BTBD9: variants seen among roughly 807,000 people sequenced by gnomAD.
BTBD9 encodes the protein BTB/POZ domain-containing protein 9.
BTBD9 carries 49 observed loss-of-function variants against 64.3 expected under a neutral mutation model. The ratio of observed to expected loss-of-function variants is 0.76; its 90% CI spans 0.61 to 0.97. The LOEUF is 0.97. BTBD9 is among the 50% of genes least tolerant of loss of function. BTBD9 has a pLI of 0.00. For missense variants in BTBD9, 598 were observed against 762.1 expected (o/e 0.78, Z 2.53); for synonymous variants, 260 against 274.7 (o/e 0.95, Z 0.53).
chr6:38,293,566 G>T (rs1762042165), intron 7 of BTBD9, among the ~76,000 whole-genome samples: 1 of 152,154 alleles, frequency 6.6e-6, no homozygotes. Context: ...AAGCAACGGG[G>T]AAAGGATTCC....
intron 6 of BTBD9, among the ~76,000 whole-genome samples, chr6:38,428,639 T>C (rs1420098585): frequency 6.6e-6 from 1 of 151,822 alleles, no homozygotes; most frequent in Non-Finnish European, 1.5e-5. Flanking sequence ...AGTAAATGAA[T>C]GAACCAATGA....
Position 38,598,070 on chromosome 6 carries a change from G to A in BTBD9, c.25C>T (p.Pro9Ser), listed in dbSNP as rs780643886. Reference protein sequence around the residue: MSNSHPLRPFTAVGEIDHV... With the variant: MSNSHPLRSFTAVGEIDHV... ...TCAATTTCCCCCACTGCAGTAAAGG[G>A]GCGAAGAGGGTGGCTGTTACTCATC... Residue 9 changes from proline (P) to serine (S), a missense_variant, in exon 2 of 11, where the codon CCC (proline) becomes TCC (serine). Transcript: ENST00000481247. The A allele has an allele frequency of 6.2e-7, 1 of 1,613,688 alleles. No individual in the cohort carries two copies. The highest frequency in any genetic ancestry group is 8.5e-7 in the Non-Finnish European group (1 of 1,179,790).
intron 6 of BTBD9, among the ~76,000 whole-genome samples, chr6:38,565,721 C>T (rs920460490): frequency 2.0e-5 from 3 of 152,074 alleles, no homozygotes; most frequent in African/African-American, 7.2e-5. Flanking sequence ...GAGGAATAAA[C>T]GTATAATATT....
chr6:38,500,801 T>C (rs1317806577), intron 6 of BTBD9, among the ~76,000 whole-genome samples: 1 of 152,124 alleles, frequency 6.6e-6, no homozygotes, highest in Non-Finnish European at 1.5e-5. Context: ...AATCCATCAC[T>C]CAATGTCTTT....
At chr6:38,197,119 CT>C (rs1444849723) in intron 9 of BTBD9, among the ~76,000 whole-genome samples, 2 of 152,158 alleles carry the variant, frequency 1.3e-5, no homozygotes, top group Non-Finnish European at 2.9e-5. Flanking sequence ...GTTTGTCATC[CT>C]AAAAGACTTC....
chr6:38,445,861 C>A (rs572182898), intron 6 of BTBD9, among the ~76,000 whole-genome samples: 1 of 152,182 alleles, frequency 6.6e-6, no homozygotes, highest in African/African-American at 2.4e-5. Flanking sequence ...ACATGCTTAT[C>A]TCTTGGCTAA....
chr6:38,491,455 T>C (rs574690956), intron 6 of BTBD9, among the ~76,000 whole-genome samples: 4 of 152,354 alleles, frequency 2.6e-5, no homozygotes, highest in African/African-American at 9.6e-5. Flanking sequence ...TATGTGTATT[T>C]AACAATTATT....
intron 6 of BTBD9, among the ~76,000 whole-genome samples, chr6:38,552,459 G>A (rs1473798323): frequency 6.6e-6 from 1 of 152,090 alleles, no homozygotes; most frequent in Non-Finnish European, 1.5e-5. Context: ...AGATGGCAAG[G>A]CTGGCCCAAT....
intron 7 of BTBD9, among the ~76,000 whole-genome samples, chr6:38,302,469 A>G (rs1015622197): frequency 1.5e-5 from 2 of 133,592 alleles, no homozygotes; most frequent in Admixed American, 7.8e-5. Flanking sequence ...GCTGAATAAT[A>G]TTCCATTGTG....
chr6:38,467,457 C>A (rs1582478109), intron 6 of BTBD9, among the ~76,000 whole-genome samples: 1 of 152,160 alleles, frequency 6.6e-6, no homozygotes, highest in South Asian at 2.1e-4. Context: ...GGCCACAATA[C>A]CAACTTATAT....
chr6:38,499,680 CACT>C (rs1163763972), intron 6 of BTBD9, among the ~76,000 whole-genome samples: 1 of 152,058 alleles, frequency 6.6e-6, no homozygotes, highest in African/African-American at 2.4e-5. Context: ...CTTTTATTCA[CACT>C]ACAATAGATT....
chr6:38,580,520 C>T, intron 4 of BTBD9, 83 bp from the exon 5 acceptor site: 1 of 1,172,290 alleles, frequency 8.5e-7, no homozygotes, highest in Non-Finnish European at 1.2e-6. Context: ...TCTAGCATTC[C>T]AGTTTATTCT....
At chr6:38,610,285 C>T (rs531667651) in intron 1 of BTBD9, among the ~76,000 whole-genome samples, 3 of 152,064 alleles carry the variant, frequency 2.0e-5, no homozygotes, top group African/African-American at 4.8e-5. Flanking sequence ...CCGCTGATAA[C>T]GAAACAAGAT....
At chr6:38,298,255 C>T (rs1223813218) in intron 7 of BTBD9, among the ~76,000 whole-genome samples, 2 of 151,922 alleles carry the variant, frequency 1.3e-5, no homozygotes, top group Non-Finnish European at 2.9e-5. Context: ...AATTTTTATC[C>T]TTTTATGTCT....
Position 38,597,926 on chromosome 6 carries a change from T to C in BTBD9, c.169A>G (p.Arg57Gly), listed in dbSNP as rs368754471. 5 of 1,613,790 alleles carry C rather than the reference T, an allele frequency of 3.1e-6. No individual in the cohort carries two copies. The African/African-American group carries it at 6.7e-5, about 22-fold the overall frequency. Reference sequence around the variant, plus strand: ...CACACTTACCGAAAATATTGGCACCTGGCTGCTAAAATTACCCTGTGGGCA... The same window carrying C: ...CACACTTACCGAAAATATTGGCACCCGGCTGCTAAAATTACCCTGTGGGCA... Reference protein sequence around the residue: ...FPAHRVILAARCQYFRALLYG... With the variant: ...FPAHRVILAAGCQYFRALLYG... Residue 57 changes from arginine to glycine, a missense_variant, in exon 2 of 11, where the codon AGG becomes GGG. Arg to Gly is a moderately radical substitution (Grantham distance 125). Transcript: ENST00000481247.
chr6:38,192,463 C>T (rs534894145), intron 10 of BTBD9, 56 bp downstream of exon 10: 2 of 1,454,926 alleles, frequency 1.4e-6, no homozygotes, highest in African/African-American at 1.4e-5. Context: ...CAGGATGTAG[C>T]ATTTACCTGT....
At chr6:38,245,558 G>A (rs1033828872) in intron 9 of BTBD9, among the ~76,000 whole-genome samples, 1 of 152,152 alleles carries the variant, frequency 6.6e-6, no homozygotes, top group Non-Finnish European at 1.5e-5. Flanking sequence ...ATTGTGCAGG[G>A]CACTCTAGGC....
intron 10 of BTBD9, among the ~76,000 whole-genome samples, chr6:38,187,139 C>T (rs940766249): frequency 1.3e-5 from 2 of 152,150 alleles, no homozygotes; most frequent in Admixed American, 1.3e-4. Context: ...CACATCAGAA[C>T]CAGTGTGGCT....
chr6:38,214,086 C>T (rs1582061257), intron 9 of BTBD9, among the ~76,000 whole-genome samples: 2 of 152,124 alleles, frequency 1.3e-5, no homozygotes, highest in East Asian at 3.8e-4. Context: ...ACCATTAGCA[C>T]TCTCTGGTGT....
Sources: gnomAD v4.1 joint callset for allele counts (sites outside exome capture counted in the v4.1 genomes callset) on GRCh38, gnomAD v4.1.1 for gene constraint, MANE v1.5 for transcripts, NCBI Gene and HGNC (gene_info 2026-07-23, HGNC 2026-07-21) for gene names.